DLG2: variants seen among roughly 807,000 people sequenced by gnomAD.
DLG2 encodes the protein disks large homolog 2.
Under a neutral mutation model 132.5 loss-of-function variants are expected in DLG2, and 45 were observed. The ratio of observed to expected loss-of-function variants is 0.34; its 90% CI spans 0.27 to 0.44. The LOEUF is 0.44. Among genes scored for constraint, DLG2 ranks in the 20% least tolerant of loss-of-function variants. The pLI is 1.00. For synonymous variants in DLG2, 424 were observed against 419.6 expected (o/e 1.01, Z -0.13); for missense variants, 1,045 against 1,196.9 (o/e 0.87, Z 1.87).
intron 7 of DLG2, among the ~76,000 whole-genome samples, chr11:84,299,021 C>T (rs1057039641): frequency 1.3e-5 from 2 of 152,012 alleles, no homozygotes; most frequent in Non-Finnish European, 2.9e-5. Flanking sequence ...TAAACGTTCA[C>T]GAAAAAGGGA....
chr11:83,503,759 A>G (rs1370390453), intron 21 of DLG2, among the ~76,000 whole-genome samples: 1 of 152,000 alleles, frequency 6.6e-6, no homozygotes, highest in African/African-American at 2.4e-5. Flanking sequence ...TCAAATGTTA[A>G]TCTCCTTTGG....
At chr11:83,533,610 G>A (rs1006983940) in intron 20 of DLG2, among the ~76,000 whole-genome samples, 4 of 152,156 alleles carry the variant, frequency 2.6e-5, no homozygotes, top group African/African-American at 9.7e-5. Context: ...GAAAGAGTTT[G>A]TCAGTAGGGA....
intron 9 of DLG2, among the ~76,000 whole-genome samples, chr11:84,106,843 T>TG (rs1566526891): frequency 6.3e-5 from 5 of 78,972 alleles, no homozygotes; most frequent in African/African-American, 1.4e-4. Flanking sequence ...GTGTGTGTGT[T>TG]TGAGTGAGTG....
chr11:85,316,206 T>C (rs2080663052), intron 3 of DLG2, among the ~76,000 whole-genome samples: 2 of 152,144 alleles, frequency 1.3e-5, no homozygotes, highest in East Asian at 1.9e-4. Flanking sequence ...AGATCACTGT[T>C]TCTTATTAGC....
rs187662584 is a variant in DLG2 at position 84,273,519 on chromosome 11, C to G, written c.520-22228G>C. On this transcript the variant is annotated intron_variant, in intron 7 of 27. Coordinates refer to ENST00000376104, the MANE Select transcript of DLG2 (RefSeq NM_001142699.3). ...TGTGAAAAGCAATCCCATCAGTGCTCTCCTGTCTTCACACGGGTCTGGTGA... is the reference window on the plus strand; with the variant it reads ...TGTGAAAAGCAATCCCATCAGTGCTGTCCTGTCTTCACACGGGTCTGGTGA... Among the ~76,000 whole-genome samples, 17 of 152,168 alleles carry G rather than the reference C, an allele frequency of 1.1e-4. No homozygotes were observed. In the East Asian group the frequency reaches 3.1e-3, roughly 28 times the overall value.
chr11:84,624,011 G>T (rs980843012), intron 6 of DLG2, among the ~76,000 whole-genome samples: 2 of 152,126 alleles, frequency 1.3e-5, no homozygotes, highest in Non-Finnish European at 2.9e-5. Context: ...TGTACTCAGG[G>T]ATTATTTACT....
intron 3 of DLG2, among the ~76,000 whole-genome samples, chr11:85,325,076 C>T (rs1234382069): frequency 7.2e-4 from 94 of 130,812 alleles, no homozygotes; most frequent in African/African-American, 1.4e-3. Flanking sequence ...GCTTAAGAAA[C>T]GGCGCACCAC....
chr11:85,398,149 G>C (rs914655117), intron 3 of DLG2, among the ~76,000 whole-genome samples: 5 of 152,128 alleles, frequency 3.3e-5, no homozygotes, highest in African/African-American at 7.2e-5. Context: ...CAACTTTATG[G>C]AAACTGAACA....
chr11:84,268,539 G>C (rs2097676404), intron 7 of DLG2, among the ~76,000 whole-genome samples: 1 of 148,250 alleles, frequency 6.7e-6, no homozygotes, highest in African/African-American at 2.5e-5. Flanking sequence ...TCGGCTCACT[G>C]CAAGCTCCAC....
At chr11:85,415,762 G>A (rs1267019018) in intron 3 of DLG2, among the ~76,000 whole-genome samples, 1 of 152,036 alleles carries the variant, frequency 6.6e-6, no homozygotes, top group Admixed American at 6.6e-5. Context: ...CCCTTTGTCA[G>A]ATGGATAGAC....
chr11:85,440,308 A>G (rs1252795154), intron 3 of DLG2, among the ~76,000 whole-genome samples: 1 of 152,242 alleles, frequency 6.6e-6, no homozygotes, highest in East Asian at 1.9e-4. Context: ...ATAAAATATT[A>G]TAGAACTATG....
At chr11:85,555,892 G>T (rs2076919437) in intron 3 of DLG2, among the ~76,000 whole-genome samples, 1 of 151,770 alleles carries the variant, frequency 6.6e-6, no homozygotes, top group Admixed American at 6.6e-5. Context: ...CATCAAAATT[G>T]TCTATACCTC....
chr11:84,153,347 A>T (rs1158098298), intron 9 of DLG2, among the ~76,000 whole-genome samples: 2 of 151,978 alleles, frequency 1.3e-5, no homozygotes, highest in Non-Finnish European at 2.9e-5. Context: ...AGTATCTTGC[A>T]GCGGTTTTCT....
chr11:83,734,745 C>T (rs1313136293), intron 18 of DLG2, among the ~76,000 whole-genome samples: 1 of 152,032 alleles, frequency 6.6e-6, no homozygotes, highest in Non-Finnish European at 1.5e-5. Flanking sequence ...GCCACTGTAC[C>T]CAGCCCATAG....
intron 3 of DLG2, among the ~76,000 whole-genome samples, chr11:85,500,568 A>G (rs2093777537): frequency 6.6e-6 from 1 of 151,322 alleles, no homozygotes; most frequent in Non-Finnish European, 1.5e-5. Flanking sequence ...AAATAAATAA[A>G]TAAATAAATA....
intron 4 of DLG2, among the ~76,000 whole-genome samples, chr11:85,216,052 T>C (rs964692411): frequency 6.7e-5 from 10 of 149,168 alleles, no homozygotes; most frequent in Middle Eastern, 3.6e-3. Flanking sequence ...CACAATGATG[T>C]GCATTTGTAG....
intron 6 of DLG2, among the ~76,000 whole-genome samples, chr11:84,913,495 A>G (rs184091674): frequency 1.1e-4 from 17 of 152,294 alleles, no homozygotes; most frequent in Non-Finnish European, 1.0e-4. Flanking sequence ...GTATTTATTT[A>G]CTTTTCAAAA....
intron 15 of DLG2, among the ~76,000 whole-genome samples, chr11:83,880,293 C>T (rs2065844518): frequency 6.6e-6 from 1 of 152,090 alleles, no homozygotes; most frequent in South Asian, 2.1e-4. Context: ...TGGAGGAAAT[C>T]TATAGTCAGG....
intron 6 of DLG2, among the ~76,000 whole-genome samples, chr11:84,782,866 A>C (rs1598022377): frequency 2.0e-5 from 3 of 152,016 alleles, no homozygotes; most frequent in African/African-American, 7.2e-5. Context: ...TAAGAGTGTC[A>C]CTCTTTTTCT....
Sources: allele counts gnomAD v4.1 joint callset (sites outside exome capture counted in the v4.1 genomes callset), GRCh38; gene constraint gnomAD v4.1.1; transcripts MANE v1.5; gene names NCBI Gene and HGNC (gene_info 2026-07-23, HGNC 2026-07-21).